Variants in SOX5 observed in about 807,000 individuals in gnomAD.
The protein encoded by SOX5 is SRY-box transcription factor 5.
Under a neutral mutation model 92.0 loss-of-function variants are expected in SOX5, and 9 were observed. The ratio of observed to expected loss-of-function variants is 0.10; its 90% CI spans 0.06 to 0.17. The LOEUF (loss-of-function observed/expected upper bound fraction) is 0.17. Among genes scored for constraint, SOX5 ranks in the 10% least tolerant of loss-of-function variants. The pLI, the probability that SOX5 is intolerant of heterozygous loss-of-function variation, is 1.00. For synonymous variants in SOX5, 344 were observed against 336.3 expected, an observed-to-expected ratio of 1.02 and a Z score of -0.25; for missense variants, 642 against 944.5, an observed-to-expected ratio of 0.68 and a Z score of 4.20.
intron 1 of SOX5, among the ~76,000 whole-genome samples, chr12:24,527,393 T>C (rs909588334): frequency 6.6e-6 from 1 of 152,218 alleles, no homozygotes; most frequent in African/African-American, 2.4e-5. Flanking sequence ...TAGTCATATG[T>C]TTGTTATTAC....
chr12:24,058,817 A>ATT (rs1939101644), intron 4 of SOX5, among the ~76,000 whole-genome samples: 1 of 152,200 alleles, frequency 6.6e-6, no homozygotes, highest in African/African-American at 2.4e-5. Flanking sequence ...AAATAAATAT[A>ATT]GTTCATGCAC....
chr12:23,954,722 C>A (rs1946074674), upstream of SOX5, among the ~76,000 whole-genome samples: 1 of 151,976 alleles, frequency 6.6e-6, no homozygotes, highest in South Asian at 2.1e-4. Context: ...CAAGGTTTTT[C>A]TAACTTCATA....
intron 4 of SOX5, among the ~76,000 whole-genome samples, chr12:24,012,104 T>G (rs886319663): frequency 3.7e-5 from 5 of 136,686 alleles, no homozygotes; most frequent in Non-Finnish European, 1.6e-5. Flanking sequence ...ACTTACAAAA[T>G]TTCATCAAAT....
At chr12:23,942,595 C>G (rs1014805258) in intron 1 of SOX5, among the ~76,000 whole-genome samples, 5 of 151,476 alleles carry the variant, frequency 3.3e-5, no homozygotes, top group South Asian at 2.1e-4. Context: ...AATTGCTGCT[C>G]AGTGTCCCAA....
At chr12:23,632,682 G>A (rs1430872471) in intron 8 of SOX5, among the ~76,000 whole-genome samples, 1 of 152,058 alleles carries the variant, frequency 6.6e-6, no homozygotes, top group Non-Finnish European at 1.5e-5. Flanking sequence ...CTACCTTGAT[G>A]TTACTCTCCA....
At chr12:24,262,553 G>A (rs555848104) in intron 3 of SOX5, among the ~76,000 whole-genome samples, 24 of 152,220 alleles carry the variant, frequency 1.6e-4, no homozygotes, top group Admixed American at 2.0e-4. Flanking sequence ...AAACGCCCAC[G>A]ATTAAACTCA....
intron 3 of SOX5, among the ~76,000 whole-genome samples, chr12:23,821,013 G>A (rs1288065538): frequency 6.6e-6 from 1 of 152,112 alleles, no homozygotes; most frequent in African/African-American, 2.4e-5. Context: ...ATTACTTTGG[G>A]CAGTATGGCC....
intron 4 of SOX5, among the ~76,000 whole-genome samples, chr12:24,182,238 A>T (rs1171637246): frequency 6.6e-6 from 1 of 152,236 alleles, no homozygotes; most frequent in East Asian, 1.9e-4. Flanking sequence ...CTAAAAGGAT[A>T]CAGTATAGAA....
intron 4 of SOX5, among the ~76,000 whole-genome samples, chr12:24,022,275 T>C (rs1326549720): frequency 6.6e-6 from 1 of 152,066 alleles, no homozygotes; most frequent in African/African-American, 2.4e-5. Context: ...TTGAACTTGA[T>C]GAAAAGAGAG....
Position 23,859,620 on chromosome 12 carries a change from A to C in SOX5, c.271-13427T>G, listed in dbSNP as rs959317532. On this transcript the variant is annotated intron_variant, in intron 2 of 14. Coordinates refer to ENST00000451604, the MANE Select transcript of SOX5 (RefSeq NM_006940.6). Reference sequence around the variant, plus strand: ...CTTGTGATCTTTTATTGCCCTCTGAAGCATGTGATCCCTGTGACCTACTCT... The same window carrying C: ...CTTGTGATCTTTTATTGCCCTCTGACGCATGTGATCCCTGTGACCTACTCT... 3.3e-5 allele frequency among the ~76,000 whole-genome samples: 5 copies of C among 152,078 alleles called. 1 individual carries two copies. The highest frequency in any genetic ancestry group is 1.3e-4 in the Admixed American group (2 of 15,270).
At chr12:24,282,167 C>A (rs1018158246) in intron 2 of SOX5, among the ~76,000 whole-genome samples, 2 of 151,902 alleles carry the variant, frequency 1.3e-5, no homozygotes, top group African/African-American at 4.8e-5. Flanking sequence ...TCAATAAATG[C>A]GATATCTTTA....
At chr12:24,029,255 C>T (rs912121243) in intron 4 of SOX5, among the ~76,000 whole-genome samples, 1 of 151,918 alleles carries the variant, frequency 6.6e-6, no homozygotes, top group East Asian at 1.9e-4. Flanking sequence ...AGAGCCAAAA[C>T]TTCTCCAACA....
chr12:24,111,113 C>G (rs1030308730), intron 4 of SOX5, among the ~76,000 whole-genome samples: 4 of 151,716 alleles, frequency 2.6e-5, no homozygotes, highest in Admixed American at 6.6e-5. Flanking sequence ...CAATAGCATC[C>G]CCCAACTGGG....
At position 23,530,443 on chromosome 12, in the gene SOX5, C is replaced by A. The variant is rs1337536879; in HGVS notation, c.*3776G>T. The A allele has an allele frequency of 1.3e-5, 2 of 151,864 alleles. No individual in the cohort carries two copies. Among genetic ancestry groups the A allele is most frequent in the Admixed American group, 1.3e-4 (2 of 15,234 alleles). The allele number at this position is 151,864 out of a possible 1,614,324, so 9.4% of individuals were successfully genotyped here. ...GGAAATCAAATCTATAAAATAGCTT[C>A]ACCACAGAAAACTTTTTTATATTTG... On this transcript the variant is annotated 3_prime_UTR_variant, in exon 15 of 15. Transcript: ENST00000451604.
chr12:24,319,139 C>T (rs1191511354), intron 2 of SOX5, among the ~76,000 whole-genome samples: 1 of 152,186 alleles, frequency 6.6e-6, no homozygotes, highest in Non-Finnish European at 1.5e-5. Flanking sequence ...AGATGCCATG[C>T]TCTTCCATTC....
chr12:24,102,393 C>T (rs1046245361), intron 4 of SOX5, among the ~76,000 whole-genome samples: 11 of 152,072 alleles, frequency 7.2e-5, no homozygotes, highest in Admixed American at 5.2e-4. Flanking sequence ...GACCTTCAGC[C>T]GACAGCAGCA....
intron 2 of SOX5, among the ~76,000 whole-genome samples, chr12:23,889,835 T>G (rs1461302386): frequency 6.6e-6 from 1 of 152,150 alleles, no homozygotes; most frequent in Admixed American, 6.6e-5. Flanking sequence ...AAAATCAAAC[T>G]AAGAGATTAT....
intron 1 of SOX5, among the ~76,000 whole-genome samples, chr12:24,433,304 T>C (rs186187071): frequency 1.1e-3 from 173 of 152,328 alleles, no homozygotes; most frequent in African/African-American, 4.0e-3. Flanking sequence ...ATTGGAAAAC[T>C]ACTAAAATTG....
At chr12:23,725,645 C>T (rs190610695) in intron 6 of SOX5, among the ~76,000 whole-genome samples, 1 of 152,178 alleles carries the variant, frequency 6.6e-6, no homozygotes, top group African/African-American at 2.4e-5. Flanking sequence ...GCTGGAGAGA[C>T]AAATTTTGGA....
Sources: gnomAD v4.1 joint callset for allele counts (sites outside exome capture counted in the v4.1 genomes callset) on GRCh38, gnomAD v4.1.1 for gene constraint, MANE v1.5 for transcripts, NCBI Gene and HGNC (gene_info 2026-07-23, HGNC 2026-07-21) for gene names.